DKK2: variants seen among roughly 807,000 people sequenced by gnomAD.
The protein encoded by DKK2 is dickkopf-related protein 2.
In DKK2, 11 loss-of-function variants were observed where a neutral mutation model predicts 28.1. The observed-to-expected ratio is 0.39, with a 90% CI of 0.25 to 0.65. The LOEUF (loss-of-function observed/expected upper bound fraction) is 0.65, where lower values mean the gene tolerates loss of function less well. Among genes scored for constraint, DKK2 ranks in the 30% least tolerant of loss-of-function variants. The pLI, the probability that DKK2 is intolerant of heterozygous loss-of-function variation, is 0.47. For synonymous variants in DKK2, 135 were observed against 126.5 expected (o/e 1.07, Z -0.45); for missense variants, 326 against 335.5 (o/e 0.97, Z 0.22).
intron 1 of DKK2, among the ~76,000 whole-genome samples, chr4:106,990,521 C>G (rs2110361489): frequency 6.6e-6 from 1 of 152,336 alleles, no homozygotes; most frequent in Non-Finnish European, 1.5e-5. Context: ...ACTCCTCTAG[C>G]TCCATGCTGG....
In DKK2 at chr4:106,923,740, G is replaced by C; in HGVS notation, c.*214C>G. The C allele has an allele frequency of 1.7e-6, 1 of 600,286 alleles. No individual in the cohort carries two copies. Among genetic ancestry groups the C allele is most frequent in the East Asian group, 3.0e-5 (1 of 32,872 alleles). The allele number at this position is 600,286 out of a possible 1,614,324, so 37.2% of individuals were successfully genotyped here. The stretch of plus-strand genomic sequence containing the variant: ...ATGTGTACATTATTTACATAGACAA[G>C]TTGCATAATGGAAACACTGGCTGCA... On this transcript the variant is annotated 3_prime_UTR_variant, in exon 4 of 4. Coordinates refer to ENST00000285311, the MANE Select transcript of DKK2 (RefSeq NM_014421.3).
At chr4:106,954,231 G>A (rs907464514) in intron 1 of DKK2, among the ~76,000 whole-genome samples, 1 of 152,102 alleles carries the variant, frequency 6.6e-6, no homozygotes, top group Non-Finnish European at 1.5e-5. Flanking sequence ...GTATTTAAAA[G>A]GCAAGCTATT....
chr4:106,970,848 G>C (rs79952709), intron 1 of DKK2, among the ~76,000 whole-genome samples: 2 of 152,086 alleles, frequency 1.3e-5, no homozygotes, highest in African/African-American at 4.8e-5. Context: ...ACATTTGAAA[G>C]TGTTTCTTAA....
intron 1 of DKK2, among the ~76,000 whole-genome samples, chr4:107,033,880 G>A (rs1054186993): frequency 2.6e-5 from 4 of 152,154 alleles, no homozygotes; most frequent in Non-Finnish European, 5.9e-5. Context: ...GAGAGAAAAA[G>A]CGAAGGAAAG....
At chr4:106,960,659 A>T (rs2110350221) in intron 1 of DKK2, among the ~76,000 whole-genome samples, 1 of 152,294 alleles carries the variant, frequency 6.6e-6, no homozygotes, top group East Asian at 1.9e-4. Context: ...TATATGGTCA[A>T]CTAGCTCTAA....
intron 1 of DKK2, among the ~76,000 whole-genome samples, chr4:106,944,180 A>G (rs563622870): frequency 1.3e-5 from 2 of 152,198 alleles, no homozygotes; most frequent in African/African-American, 4.8e-5. Flanking sequence ...CAATATAGCA[A>G]CCAGTACCTA....
intron 1 of DKK2, among the ~76,000 whole-genome samples, chr4:106,974,495 TCA>T (rs1372407509): frequency 1.3e-5 from 2 of 152,134 alleles, no homozygotes; most frequent in Non-Finnish European, 2.9e-5. Context: ...TTTATTCTCT[TCA>T]TGGCAATTGT....
chr4:106,933,170 A>G (rs976535159), intron 1 of DKK2, among the ~76,000 whole-genome samples: 1 of 152,166 alleles, frequency 6.6e-6, no homozygotes, highest in African/African-American at 2.4e-5. Flanking sequence ...TGATGATACA[A>G]TAAGGTAAGA....
At chr4:106,961,733 A>C (rs574461994) in intron 1 of DKK2, among the ~76,000 whole-genome samples, 1 of 152,238 alleles carries the variant, frequency 6.6e-6, no homozygotes, top group South Asian at 2.1e-4. Flanking sequence ...TCAATTATAC[A>C]GTTAAAAGAT....
At chr4:106,938,979 T>C (rs1724645993) in intron 1 of DKK2, among the ~76,000 whole-genome samples, 1 of 151,784 alleles carries the variant, frequency 6.6e-6, no homozygotes, top group Non-Finnish European at 1.5e-5. Context: ...ATAAGAGCTA[T>C]CTATGACAAA....
intron 1 of DKK2, among the ~76,000 whole-genome samples, chr4:106,944,274 T>A (rs1037167588): frequency 6.6e-6 from 1 of 152,102 alleles, no homozygotes; most frequent in Non-Finnish European, 1.5e-5. Flanking sequence ...TTGTTTATGA[T>A]CCTAAACAAA....
chr4:107,035,390 T>C lies in DKK2; in HGVS notation c.202A>G (p.Lys68Glu). Residue 68 changes from lysine (K) to glutamate (E), a missense_variant, in exon 1 of 4, where the codon AAG becomes GAG. Transcript: ENST00000285311. ...CCTACCTGCCCCAGGTTTTTGCCCTTCTTACTGCCGCCGAATGCCAGTCCT... is the reference window on the plus strand; with the variant it reads ...CCTACCTGCCCCAGGTTTTTGCCCTCCTTACTGCCGCCGAATGCCAGTCCT... ...YQGLAFGGSK[K>E]GKNLGQAYPC... is the part of the protein sequence containing the mutation. The C allele has an allele frequency of 6.2e-7, 1 of 1,614,170 alleles. No individual in the cohort carries two copies. The highest frequency in any genetic ancestry group is 8.5e-7 in the Non-Finnish European group (1 of 1,180,020).
chr4:106,974,117 AGTACC>A (rs1352803168), intron 1 of DKK2, among the ~76,000 whole-genome samples: 1 of 152,164 alleles, frequency 6.6e-6, no homozygotes, highest in African/African-American at 2.4e-5. Context: ...ATTTGGTACC[AGTACC>A]ATGCTGTTTT....
At chr4:107,004,306 A>G (rs867096499) in intron 1 of DKK2, among the ~76,000 whole-genome samples, 3 of 152,208 alleles carry the variant, frequency 2.0e-5, no homozygotes, top group Non-Finnish European at 2.9e-5. Flanking sequence ...CTCAGTCCAG[A>G]TCACAATTCT....
intron 1 of DKK2, among the ~76,000 whole-genome samples, chr4:107,015,518 C>T (rs897738688): frequency 6.6e-6 from 1 of 151,608 alleles, no homozygotes; most frequent in African/African-American, 2.4e-5. Context: ...CAATTAGTGG[C>T]CTGTTTTCTA....
chr4:106,947,494 T>A (rs1656376890), intron 1 of DKK2, among the ~76,000 whole-genome samples: 1 of 152,050 alleles, frequency 6.6e-6, no homozygotes, highest in Non-Finnish European at 1.5e-5. Context: ...GAGCTGTCAG[T>A]TTTTCAGGAA....
At chr4:107,000,010 G>A (rs1723336910) in intron 1 of DKK2, among the ~76,000 whole-genome samples, 1 of 152,100 alleles carries the variant, frequency 6.6e-6, no homozygotes, top group Non-Finnish European at 1.5e-5. Flanking sequence ...GATGTGATAA[G>A]AGCAAATTTA....
In DKK2 at chr4:107,014,602, A is replaced by T. The variant is rs574424061; in HGVS notation, c.222+20768T>A. Among the ~76,000 whole-genome samples the T allele has an allele frequency of 3.3e-5, 5 of 151,628 alleles. No individual in the cohort carries two copies. The South Asian group carries it at 1.0e-3, about 31-fold the overall frequency. On this transcript the variant is annotated intron_variant, in intron 1 of 3. Coordinates refer to ENST00000285311, the MANE Select transcript of DKK2 (RefSeq NM_014421.3). ...ACATAGAAAATCAACTATAGCTAAT[A>T]ACAATGCATAGTATATTTCAGGATA...
intron 1 of DKK2, among the ~76,000 whole-genome samples, chr4:106,993,444 GCCATAATATC>G: frequency 6.6e-6 from 1 of 152,096 alleles, no homozygotes; most frequent in East Asian, 1.9e-4. Context: ...TGAAATCATT[GCCATAATATC>G]CACGAAGACC....
Sources: gnomAD v4.1 joint callset for allele counts (sites outside exome capture counted in the v4.1 genomes callset) on GRCh38, gnomAD v4.1.1 for gene constraint, MANE v1.5 for transcripts, NCBI Gene and HGNC (gene_info 2026-07-23, HGNC 2026-07-21) for gene names.